SEMA5A: variants seen among roughly 807,000 people sequenced by gnomAD.
The protein encoded by SEMA5A is semaphorin-5A.
A neutral mutation model predicts 135.5 loss-of-function variants in SEMA5A; 55 were observed. That is an observed-to-expected ratio of 0.41 (90% CI 0.33 to 0.51). SEMA5A has a LOEUF of 0.51. Among genes scored for constraint, SEMA5A ranks in the 20% least tolerant of loss-of-function variants. SEMA5A has a pLI of 0.37. For missense variants in SEMA5A, 1,290 were observed against 1,419.9 expected (o/e 0.91, Z 1.47); for synonymous variants, 580 against 546.5 (o/e 1.06, Z -0.85).
At chr5:9,186,020 C>G (rs977953642) in intron 11 of SEMA5A, among the ~76,000 whole-genome samples, 1 of 152,176 alleles carries the variant, frequency 6.6e-6, no homozygotes, top group Non-Finnish European at 1.5e-5. Context: ...CTCAGCATGA[C>G]CTTAATTTTG....
intron 5 of SEMA5A, among the ~76,000 whole-genome samples, chr5:9,259,558 G>A (rs1749288005): frequency 6.6e-6 from 1 of 151,894 alleles, no homozygotes; most frequent in Non-Finnish European, 1.5e-5. Context: ...TTCTGTAGAT[G>A]TCTATTAGGT....
rs897418366 is a variant in SEMA5A, at chr5:9,040,577, A to G, written c.*2320T>C. 5 of 152,178 alleles carry G rather than the reference A, an allele frequency of 3.3e-5. No individual in the cohort carries two copies. The highest frequency in any genetic ancestry group is 2.6e-4 in the Admixed American group (4 of 15,262). 9.4% of individuals were successfully genotyped at this position (152,178 alleles called of 1,614,324 possible). On this transcript the variant is annotated 3_prime_UTR_variant, in exon 23 of 23. Coordinates refer to ENST00000382496, the MANE Select transcript of SEMA5A (RefSeq NM_003966.3). ...GAGAGAGAAAGGAAGAGAGATAAAC[A>G]ATTTTCCTTTGAACAGTGTGGTACG...
At chr5:9,370,921 G>A (rs1231041297) in intron 3 of SEMA5A, among the ~76,000 whole-genome samples, 1 of 152,118 alleles carries the variant, frequency 6.6e-6, no homozygotes, top group African/African-American at 2.4e-5. Flanking sequence ...CCTTCAGTAT[G>A]ACAAACAGAT....
chr5:9,089,434 C>A (rs2150121214), intron 16 of SEMA5A, among the ~76,000 whole-genome samples: 1 of 151,580 alleles, frequency 6.6e-6, no homozygotes, highest in Admixed American at 6.6e-5. Flanking sequence ...AGTTGTGAGC[C>A]CCCCACCAAC....
At chr5:9,160,760 T>A (rs907186672) in intron 11 of SEMA5A, among the ~76,000 whole-genome samples, 23 of 152,176 alleles carry the variant, frequency 1.5e-4, no homozygotes, top group African/African-American at 5.1e-4. Flanking sequence ...AGATGGTCCC[T>A]TCAACCTCTA....
chr5:9,071,423 G>A (rs1333754526), intron 16 of SEMA5A, among the ~76,000 whole-genome samples: 1 of 152,092 alleles, frequency 6.6e-6, no homozygotes, highest in Non-Finnish European at 1.5e-5. Context: ...CTAATAGACT[G>A]CAAATTTGTC....
At chr5:9,251,811 A>G (rs1304689710) in intron 5 of SEMA5A, among the ~76,000 whole-genome samples, 1 of 152,218 alleles carries the variant, frequency 6.6e-6, no homozygotes, top group African/African-American at 2.4e-5. Flanking sequence ...AGAATGAATC[A>G]ACTCCTGATG....
At chr5:9,408,250 C>T (rs1035710497) in intron 2 of SEMA5A, among the ~76,000 whole-genome samples, 2 of 152,176 alleles carry the variant, frequency 1.3e-5, no homozygotes, top group Admixed American at 6.5e-5. Context: ...CTCCACAGCA[C>T]GGAATACTAT....
rs145098072 is a variant in SEMA5A, at chr5:9,054,096, G to A, written c.2680C>T (p.Pro894Ser). 1.2e-6 allele frequency: 2 copies of A among 1,610,480 alleles called. No homozygotes were observed. The highest frequency in any genetic ancestry group is 1.7e-6 in the Non-Finnish European group (2 of 1,178,778). ...GTGAGGTGCCGCTTACCTGGGCAGGGCTGCGTGTTGCAGAGTGCCTCTTCT... is the reference window on the plus strand; with the variant it reads ...GTGAGGTGCCGCTTACCTGGGCAGGACTGCGTGTTGCAGAGTGCCTCTTCT... ...HTEEALCNTQPCPESWSEWSD... is the reference protein window; with the variant it reads ...HTEEALCNTQSCPESWSEWSD... The change falls in exon 19 of 23, where the codon CCC (proline) becomes TCC (serine). Residue 894 changes from proline to serine, a missense_variant. Pro to Ser is a moderately conservative substitution (Grantham distance 74). Around this residue, in one of 3 missense-constraint regions of SEMA5A, gnomAD observed 1,029 missense variants for 1,086.6 expected, o/e 0.95. Transcript: ENST00000382496.
chr5:9,348,953 C>T (rs1753994822), intron 3 of SEMA5A, among the ~76,000 whole-genome samples: 1 of 152,210 alleles, frequency 6.6e-6, no homozygotes, highest in Admixed American at 6.5e-5. Context: ...AAATCATTTG[C>T]TTAAGGAAAA....
intron 1 of SEMA5A, among the ~76,000 whole-genome samples, chr5:9,542,730 T>C (rs886699190): frequency 2.6e-5 from 4 of 152,300 alleles, no homozygotes; most frequent in Non-Finnish European, 4.4e-5. Context: ...ACGGCTGCTG[T>C]ACTCAAATAG....
At chr5:9,121,226 T>G (rs1239570224) in intron 14 of SEMA5A, among the ~76,000 whole-genome samples, 2 of 152,216 alleles carry the variant, frequency 1.3e-5, no homozygotes, top group African/African-American at 4.8e-5. Flanking sequence ...ATATGTCTAT[T>G]ACCCAGACCT....
intron 12 of SEMA5A, among the ~76,000 whole-genome samples, chr5:9,146,997 C>G (rs1391139459): frequency 6.6e-6 from 1 of 152,146 alleles, no homozygotes; most frequent in African/African-American, 2.4e-5. Context: ...GGTTGTCTGG[C>G]TGGGAGACCA....
chr5:9,522,066 A>G (rs1579679938), intron 1 of SEMA5A, among the ~76,000 whole-genome samples: 1 of 152,158 alleles, frequency 6.6e-6, no homozygotes, highest in African/African-American at 2.4e-5. Context: ...CTTCGCCTGC[A>G]TGGATTGAAC....
chr5:9,449,440 C>T lies in SEMA5A; in HGVS notation c.-174-11588G>A, dbSNP rs1045206263. Among the ~76,000 whole-genome samples, 2 of 152,048 alleles carry T rather than the reference C, an allele frequency of 1.3e-5. 1 individual carries two copies. Among genetic ancestry groups the T allele is most frequent in the South Asian group, 4.2e-4 (2 of 4,810 alleles). On this transcript the variant is annotated intron_variant, in intron 1 of 22. Coordinates refer to ENST00000382496, the MANE Select transcript of SEMA5A (RefSeq NM_003966.3). ...TGGGAGCATGGGGGAGGGAGAGCAT[C>T]AGGAAGCATAGCTAATGGATGCTGG...
chr5:9,046,747 A>G (rs746923842), intron 21 of SEMA5A, among the ~76,000 whole-genome samples: 53 of 152,326 alleles, frequency 3.5e-4, no homozygotes, highest in South Asian at 6.2e-4. Flanking sequence ...AATGTGTTCC[A>G]GGAACCCAGG....
chr5:9,323,688 G>A (rs1478072393), intron 4 of SEMA5A, among the ~76,000 whole-genome samples: 1 of 129,296 alleles, frequency 7.7e-6, no homozygotes, highest in African/African-American at 3.0e-5. Flanking sequence ...CTGAGATGGA[G>A]TCTTGCTTCT....
chr5:9,519,265 A>T (rs1227387378), intron 1 of SEMA5A, among the ~76,000 whole-genome samples: 6 of 152,254 alleles, frequency 3.9e-5, no homozygotes, highest in African/African-American at 1.4e-4. Context: ...TAGAAAAAGA[A>T]TTCTAAAACC....
chr5:9,321,092 C>T (rs1174322341), intron 4 of SEMA5A, among the ~76,000 whole-genome samples: 2 of 152,116 alleles, frequency 1.3e-5, no homozygotes, highest in Non-Finnish European at 1.5e-5. Context: ...GAGTGAGTCT[C>T]ATGAGATCTG....
Sources: gnomAD v4.1 joint callset for allele counts (sites outside exome capture counted in the v4.1 genomes callset) on GRCh38, gnomAD v4.1.1 for gene constraint, gnomAD v4.1.1 regional missense constraint, MANE v1.5 for transcripts, NCBI Gene and HGNC (gene_info 2026-07-23, HGNC 2026-07-21) for gene names.